HS3ST2: variants seen among roughly 807,000 people sequenced by gnomAD.
HS3ST2 encodes the protein heparan sulfate glucosamine 3-O-sulfotransferase 2.
Under a neutral mutation model 26.3 loss-of-function variants are expected in HS3ST2, and 17 were observed. The observed-to-expected ratio is 0.65, with a 90% confidence interval of 0.44 to 0.97. The LOEUF (loss-of-function observed/expected upper bound fraction) is 0.97. Among genes scored for constraint, HS3ST2 ranks in the 50% least tolerant of loss-of-function variants. HS3ST2 has a pLI of 0.00. For synonymous variants in HS3ST2, 237 were observed against 219.2 expected (o/e 1.08, Z -0.72); for missense variants, 402 against 501.2 (o/e 0.80, Z 1.89).
chr16:22,837,768 A>G (rs1366701911), intron 1 of HS3ST2, among the ~76,000 whole-genome samples: 2 of 151,916 alleles, frequency 1.3e-5, no homozygotes, highest in Non-Finnish European at 1.5e-5. Context: ...AAGAACAATT[A>G]TAACTATACT....
intron 1 of HS3ST2, among the ~76,000 whole-genome samples, chr16:22,906,256 AG>A (rs1279766422): frequency 1.3e-5 from 2 of 152,094 alleles, no homozygotes; most frequent in African/African-American, 4.8e-5. Flanking sequence ...CTGTAATCCC[AG>A]CTACTTGGGA....
chr16:22,860,267 G>A (rs1379461993), intron 1 of HS3ST2, among the ~76,000 whole-genome samples: 1 of 152,162 alleles, frequency 6.6e-6, no homozygotes, highest in African/African-American at 2.4e-5. Context: ...CGTCCGGCAA[G>A]AGAGAGAGCT....
intron 1 of HS3ST2, among the ~76,000 whole-genome samples, chr16:22,865,412 C>T (rs867513864): frequency 2.0e-5 from 3 of 151,938 alleles, no homozygotes; most frequent in East Asian, 1.9e-4. Context: ...AAAAATTAGC[C>T]GGGCATGGTG....
At chr16:22,826,416 G>A (rs778569035) in intron 1 of HS3ST2, among the ~76,000 whole-genome samples, 6 of 152,154 alleles carry the variant, frequency 3.9e-5, no homozygotes, top group Non-Finnish European at 8.8e-5. Context: ...ACCATTCTCA[G>A]CCACCTAGTC....
At chr16:22,881,159 G>A (rs976582677) in intron 1 of HS3ST2, among the ~76,000 whole-genome samples, 5 of 152,166 alleles carry the variant, frequency 3.3e-5, no homozygotes, top group South Asian at 2.1e-4. Flanking sequence ...CACTTCCCTC[G>A]TCTGAAAAGT....
At chr16:22,843,154 G>GTA (rs796459697) in intron 1 of HS3ST2, among the ~76,000 whole-genome samples, 1 of 145,954 alleles carries the variant, frequency 6.9e-6, no homozygotes, top group Non-Finnish European at 1.5e-5. Context: ...CTAGATGTAT[G>GTA]TATGTGTGTG....
At chr16:22,842,745 C>T (rs891278860) in intron 1 of HS3ST2, among the ~76,000 whole-genome samples, 1 of 152,168 alleles carries the variant, frequency 6.6e-6, no homozygotes, top group Non-Finnish European at 1.5e-5. Context: ...GCATTCCTCC[C>T]ATCTCTTAAC....
chr16:22,857,015 T>C (rs1901605938), intron 1 of HS3ST2, among the ~76,000 whole-genome samples: 1 of 152,154 alleles, frequency 6.6e-6, no homozygotes, highest in Non-Finnish European at 1.5e-5. Flanking sequence ...CGAGGCACTA[T>C]CCTAGGTGTT....
intron 1 of HS3ST2, among the ~76,000 whole-genome samples, chr16:22,869,093 G>C (rs546381061): frequency 3.3e-5 from 5 of 151,890 alleles, no homozygotes; most frequent in African/African-American, 1.2e-4. Flanking sequence ...CTGCAAATGA[G>C]ATTTATGTTG....
intron 1 of HS3ST2, among the ~76,000 whole-genome samples, chr16:22,891,757 C>T (rs1025278992): frequency 2.0e-5 from 3 of 152,070 alleles, no homozygotes; most frequent in Non-Finnish European, 2.9e-5. Context: ...CTCAGAGACC[C>T]GATGTAATAT....
chr16:22,871,619 A>G lies in HS3ST2; in HGVS notation c.486-43325A>G, dbSNP rs751251916. ...GTATCCCCACAAAAACACAATCTCC[A>G]TAGGTCAGAGATTGTGTTTCTTCTG... On this transcript the variant is annotated intron_variant, in intron 1 of 1. Coordinates refer to ENST00000261374, the MANE Select transcript of HS3ST2 (RefSeq NM_006043.2). Among the ~76,000 whole-genome samples, 53 of 152,296 alleles carry G rather than the reference A, an allele frequency of 3.5e-4. 1 individual carries two copies. In the Middle Eastern group the frequency reaches 0.014, roughly 39 times the overall value.
intron 1 of HS3ST2, among the ~76,000 whole-genome samples, chr16:22,825,300 G>A (rs144722549): frequency 7.9e-5 from 12 of 152,296 alleles, no homozygotes; most frequent in African/African-American, 2.2e-4. Flanking sequence ...CATCTGTGGC[G>A]CATGAGAGGT....
chr16:22,863,568 C>T (rs540251905), intron 1 of HS3ST2, among the ~76,000 whole-genome samples: 17 of 152,334 alleles, frequency 1.1e-4, no homozygotes, highest in African/African-American at 4.1e-4. Context: ...GTCAGTTTTT[C>T]AACCCTTGCC....
intron 1 of HS3ST2, among the ~76,000 whole-genome samples, chr16:22,880,691 T>A (rs143458382): frequency 1.7e-3 from 260 of 152,260 alleles, no homozygotes; most frequent in African/African-American, 6.0e-3. Context: ...CTCAGGGAAC[T>A]CCATGCCTCC....
intron 1 of HS3ST2, among the ~76,000 whole-genome samples, chr16:22,874,548 G>A (rs1049834199): frequency 5.3e-5 from 8 of 152,206 alleles, no homozygotes; most frequent in African/African-American, 1.9e-4. Context: ...TAGGCAGTGA[G>A]CCCATATGGC....
At chr16:22,893,800 CT>C (rs1567498626) in intron 1 of HS3ST2, among the ~76,000 whole-genome samples, 2 of 151,438 alleles carry the variant, frequency 1.3e-5, no homozygotes, top group South Asian at 4.2e-4. Context: ...AATGTTTTTT[CT>C]TTTTTTGAAG....
At chr16:22,881,349 C>T (rs141682567) in intron 1 of HS3ST2, among the ~76,000 whole-genome samples, 179 of 152,260 alleles carry the variant, frequency 1.2e-3, no homozygotes, top group Middle Eastern at 6.8e-3. Flanking sequence ...CAGACATTTG[C>T]GCTGTCAGGA....
chr16:22,876,201 C>T (rs60734429), intron 1 of HS3ST2, among the ~76,000 whole-genome samples: 16,332 of 151,894 alleles, frequency 0.11, 1,291 homozygotes, highest in African/African-American at 0.22. Context: ...ACTATGCATC[C>T]GACAAAGGAC....
intron 1 of HS3ST2, among the ~76,000 whole-genome samples, chr16:22,847,278 G>A (rs951684979): frequency 6.6e-6 from 1 of 152,068 alleles, no homozygotes; most frequent in Non-Finnish European, 1.5e-5. Context: ...AATGATGGCC[G>A]TCAGCTCCAT....
Sources: gnomAD v4.1 joint callset for allele counts (sites outside exome capture counted in the v4.1 genomes callset) on GRCh38, gnomAD v4.1.1 for gene constraint, MANE v1.5 for transcripts, NCBI Gene and HGNC (gene_info 2026-07-23, HGNC 2026-07-21) for gene names.